RANBP17: variants seen among roughly 807,000 people sequenced by gnomAD.
RANBP17 encodes ran-binding protein 17.
RANBP17 carries 158 observed loss-of-function variants against 141.2 expected under a neutral mutation model. That is an observed-to-expected ratio of 1.12 (90% confidence interval 0.98 to 1.28). The LOEUF is 1.28. RANBP17 is among the 50% of genes most tolerant of loss of function. RANBP17 has a pLI of 0.00. For missense variants in RANBP17, 1,438 were observed against 1,290.7 expected (o/e 1.11, Z -1.75); for synonymous variants, 430 against 450.0 (o/e 0.96, Z 0.56).
intron 12 of RANBP17, among the ~76,000 whole-genome samples, chr5:170,948,681 G>T (rs1002286733): frequency 6.6e-6 from 1 of 152,166 alleles, no homozygotes; most frequent in Non-Finnish European, 1.5e-5. Flanking sequence ...AATCCCATGG[G>T]TTTTTTGCAG....
At chr5:171,164,163 T>A (rs1328000163) in intron 14 of RANBP17, among the ~76,000 whole-genome samples, 1 of 152,170 alleles carries the variant, frequency 6.6e-6, no homozygotes, top group Non-Finnish European at 1.5e-5. Flanking sequence ...TCTGTGACTG[T>A]CATTATATAT....
At chr5:171,046,364 A>G (rs1174963410) in intron 14 of RANBP17, among the ~76,000 whole-genome samples, 1 of 151,800 alleles carries the variant, frequency 6.6e-6, no homozygotes. Flanking sequence ...ACGCTCCACC[A>G]CGTCCAGCTA....
Position 171,073,002 on chromosome 5 carries a change from G to A in RANBP17, c.1711-97128G>A, listed in dbSNP as rs148290439. On this transcript the variant is annotated intron_variant, in intron 14 of 27. Coordinates refer to ENST00000523189, the MANE Select transcript of RANBP17 (RefSeq NM_022897.5). The stretch of plus-strand genomic sequence containing the variant: ...TATTATTCCATTTACATGACATACC[G>A]GAAAAGGCAGCTAATAAGAACAGAA... 8.9e-3 allele frequency among the ~76,000 whole-genome samples: 1,359 copies of A among 152,102 alleles called. 13 individuals carry two copies. Among genetic ancestry groups the A allele is most frequent in the Non-Finnish European group, 0.012 (844 of 67,976 alleles).
chr5:170,896,100 T>C lies in RANBP17; in HGVS notation c.474T>C (p.Thr158=). Residue 158 remains threonine (T), a synonymous_variant, in exon 5 of 28, where the codon ACT becomes ACC. Transcript: ENST00000523189. Reference sequence around the variant, plus strand: ...GAGTAATAATCCTTTCTGAATTGACTCAGGAAATGAACCTGGTAAGCGAGC... The same window carrying C: ...GAGTAATAATCCTTTCTGAATTGACCCAGGAAATGAACCTGGTAAGCGAGC... ...IIGVIILSEL[T]QEMNLVDYSR... The C allele has an allele frequency of 6.2e-7, 1 of 1,607,750 alleles. No homozygotes were observed. Among genetic ancestry groups the C allele is most frequent in the South Asian group, 1.1e-5 (1 of 89,912 alleles).
At chr5:171,071,195 A>T (rs1784615049) in intron 14 of RANBP17, among the ~76,000 whole-genome samples, 2 of 152,096 alleles carry the variant, frequency 1.3e-5, no homozygotes, top group Non-Finnish European at 2.9e-5. Context: ...CAAGTCTGGT[A>T]ACTGGAGGTA....
At chr5:170,956,847 G>A (rs1021796471) in intron 13 of RANBP17, among the ~76,000 whole-genome samples, 3 of 151,674 alleles carry the variant, frequency 2.0e-5, no homozygotes, top group Non-Finnish European at 2.9e-5. Flanking sequence ...CAAGGTGGGC[G>A]GATCACGAGG....
chr5:171,134,270 G>C (rs934590471), intron 14 of RANBP17, among the ~76,000 whole-genome samples: 8 of 152,112 alleles, frequency 5.3e-5, no homozygotes, highest in Non-Finnish European at 1.0e-4. Context: ...ATTTTATTAA[G>C]TTTGCTAGTA....
chr5:171,067,918 C>A (rs1014476715), intron 14 of RANBP17, among the ~76,000 whole-genome samples: 2 of 152,102 alleles, frequency 1.3e-5, no homozygotes, highest in African/African-American at 4.8e-5. Context: ...AGAGTCATAT[C>A]TTTCAGCAAA....
chr5:170,940,956 G>T (rs942999101), intron 12 of RANBP17, among the ~76,000 whole-genome samples: 1 of 149,294 alleles, frequency 6.7e-6, no homozygotes, highest in African/African-American at 2.5e-5. Flanking sequence ...AAACTAAATT[G>T]CAAAACAAAA....
chr5:171,029,958 C>T (rs1362115349), intron 14 of RANBP17, among the ~76,000 whole-genome samples: 1 of 151,982 alleles, frequency 6.6e-6, no homozygotes, highest in Non-Finnish European at 1.5e-5. Context: ...AGAAGTAGTA[C>T]TTTAATATAC....
At chr5:170,908,830 T>G (rs1472300139) in intron 5 of RANBP17, among the ~76,000 whole-genome samples, 1 of 151,898 alleles carries the variant, frequency 6.6e-6, no homozygotes, top group Admixed American at 6.6e-5. Context: ...AAGTATCACA[T>G]AATCAATTTT....
intron 25 of RANBP17, chr5:171,284,666 G>C (rs933521139): frequency 6.6e-6 from 1 of 152,148 alleles, no homozygotes; most frequent in Non-Finnish European, 1.5e-5. Flanking sequence ...CACAGCTTCA[G>C]TATGTTTCTA....
chr5:170,880,496 A>G (rs1768568745), intron 2 of RANBP17, among the ~76,000 whole-genome samples: 1 of 152,216 alleles, frequency 6.6e-6, no homozygotes, highest in South Asian at 2.1e-4. Flanking sequence ...ATTGGCTAAC[A>G]AATGAGCCAC....
chr5:170,966,400 A>G (rs2127525688), intron 13 of RANBP17, among the ~76,000 whole-genome samples: 1 of 152,354 alleles, frequency 6.6e-6, no homozygotes, highest in Non-Finnish European at 1.5e-5. Flanking sequence ...TACGCAAATC[A>G]ATAAATGTAA....
chr5:171,143,765 A>G (rs1013041743), intron 14 of RANBP17, among the ~76,000 whole-genome samples: 4 of 152,232 alleles, frequency 2.6e-5, no homozygotes, highest in African/African-American at 9.6e-5. Flanking sequence ...GAAGTTCCAT[A>G]TGAAAGAGGT....
At chr5:171,024,054 C>A (rs771282175) in intron 14 of RANBP17, among the ~76,000 whole-genome samples, 1 of 152,132 alleles carries the variant, frequency 6.6e-6, no homozygotes, top group Non-Finnish European at 1.5e-5. Context: ...CCACTAGGAA[C>A]GACATTCCTT....
At position 170,896,038 on chromosome 5, in the gene RANBP17, T is replaced by C. The variant is rs1770087060; in HGVS notation, c.424-12T>C. On this transcript the variant is annotated splice_polypyrimidine_tract_variant and intron_variant, in intron 4 of 27. Transcript: ENST00000523189. ...TCTCCACTTAGGCTAAACTTTGTTA[T>C]TTTCTCCAAAGGGTACTGTGGAACA... 2 of 1,564,956 alleles carry C rather than the reference T, an allele frequency of 1.3e-6. No individual in the cohort carries two copies. The highest frequency in any genetic ancestry group is 1.7e-6 in the Non-Finnish European group (2 of 1,154,062).
intron 5 of RANBP17, among the ~76,000 whole-genome samples, chr5:170,898,967 T>G (rs145652155): frequency 0.012 from 1,786 of 152,278 alleles, 32 homozygotes; most frequent in African/African-American, 0.041. Flanking sequence ...GCCTCCAGCT[T>G]TGTTCTTTTT....
chr5:171,039,806 C>T (rs1357612316), intron 14 of RANBP17, among the ~76,000 whole-genome samples: 1 of 152,068 alleles, frequency 6.6e-6, no homozygotes, highest in African/African-American at 2.4e-5. Flanking sequence ...GAAACAAAAC[C>T]TTCCAAGTTT....
Sources: allele counts gnomAD v4.1 joint callset (sites outside exome capture counted in the v4.1 genomes callset), GRCh38; gene constraint gnomAD v4.1.1; transcripts MANE v1.5; gene names NCBI Gene and HGNC (gene_info 2026-07-23, HGNC 2026-07-21).